The following NKAIN2 variants were observed in gnomAD, a reference collection of about 807,000 sequenced individuals.
The protein encoded by NKAIN2 is sodium/potassium-transporting ATPase subunit beta-1-interacting protein 2.
A neutral mutation model predicts 32.6 loss-of-function variants in NKAIN2; 14 were observed. The observed-to-expected ratio is 0.43, with a 90% confidence interval of 0.28 to 0.67. The LOEUF is 0.67. NKAIN2 is among the 30% of genes least tolerant of loss of function. The probability of loss-of-function intolerance (pLI) is 0.17; values close to 1 mark genes in which losing one functional copy is unlikely to be tolerated. For missense variants in NKAIN2, 198 were observed against 258.3 expected (o/e 0.77, Z 1.60); for synonymous variants, 80 against 87.2 (o/e 0.92, Z 0.46).
At chr6:124,378,304 C>T (rs1800080912) in intron 3 of NKAIN2, among the ~76,000 whole-genome samples, 1 of 152,144 alleles carries the variant, frequency 6.6e-6, no homozygotes, top group Admixed American at 6.5e-5. Flanking sequence ...TGTGTCATTT[C>T]TCAAGGCTCA....
intron 1 of NKAIN2, among the ~76,000 whole-genome samples, chr6:124,271,491 C>T (rs1020971174): frequency 6.6e-6 from 1 of 152,210 alleles, no homozygotes. Context: ...GCTGGGATTA[C>T]AGGCGTGAGC....
chr6:124,150,066 C>T (rs988217120), intron 1 of NKAIN2, among the ~76,000 whole-genome samples: 2 of 152,114 alleles, frequency 1.3e-5, no homozygotes, highest in South Asian at 4.1e-4. Flanking sequence ...GTACCTATTC[C>T]TTGCGCTCTG....
rs375311962 is a variant in NKAIN2 at position 124,658,338 on chromosome 6, G to T, written c.426G>T (p.Glu142Asp). ...RYITVSGCLL[E>D]YQYIEVAHSS... is the part of the protein sequence containing the mutation. ...TCACGGTCTCAGGGTGTTTGCTGGA[G>T]TACCAGTACATAGAAGTGGCTCATA... is the stretch of plus-strand genomic sequence containing the variant. The change falls in exon 4 of 7, where the codon GAG becomes GAT. Residue 142 changes from glutamate (E) to aspartate (D), a missense_variant. Coordinates refer to ENST00000368417, the MANE Select transcript of NKAIN2 (RefSeq NM_001040214.3). 1.2e-6 allele frequency: 2 copies of T among 1,614,014 alleles called. No homozygotes were observed. The highest frequency in any genetic ancestry group is 1.3e-5 in the African/African-American group (1 of 74,922).
chr6:124,265,791 G>A (rs753024077), intron 1 of NKAIN2, among the ~76,000 whole-genome samples: 2 of 152,176 alleles, frequency 1.3e-5, no homozygotes, highest in African/African-American at 4.8e-5. Context: ...AATGGAAAGC[G>A]GCAAAACAGT....
chr6:124,018,066 TG>T (rs1432616256), intron 1 of NKAIN2, among the ~76,000 whole-genome samples: 2 of 152,208 alleles, frequency 1.3e-5, no homozygotes, highest in Non-Finnish European at 2.9e-5. Context: ...GAAATCTAGG[TG>T]GAGGTTCCCA....
chr6:124,381,988 T>C (rs1028956072), intron 3 of NKAIN2, among the ~76,000 whole-genome samples: 5 of 152,196 alleles, frequency 3.3e-5, no homozygotes, highest in Admixed American at 3.3e-4. Flanking sequence ...TCACTTTATT[T>C]ACTATAGTAA....
intron 3 of NKAIN2, among the ~76,000 whole-genome samples, chr6:124,479,334 T>C (rs1300007018): frequency 6.6e-6 from 1 of 152,196 alleles, no homozygotes; most frequent in African/African-American, 2.4e-5. Context: ...ATGTTAATAA[T>C]AGAAGAACTG....
chr6:124,652,514 C>T (rs1784402027), intron 3 of NKAIN2, among the ~76,000 whole-genome samples: 1 of 152,146 alleles, frequency 6.6e-6, no homozygotes, highest in Non-Finnish European at 1.5e-5. Flanking sequence ...TAGTACCACT[C>T]AATTCCTCTG....
chr6:123,837,405 G>A (rs570040415), intron 1 of NKAIN2, among the ~76,000 whole-genome samples: 3 of 151,920 alleles, frequency 2.0e-5, no homozygotes, highest in South Asian at 4.2e-4. Flanking sequence ...AGCAAAAATG[G>A]TACTCATCCT....
intron 1 of NKAIN2, among the ~76,000 whole-genome samples, chr6:124,254,300 T>A (rs1793824258): frequency 6.6e-6 from 1 of 152,182 alleles, no homozygotes; most frequent in Admixed American, 6.5e-5. Flanking sequence ...GAGCAAATTA[T>A]CATTCCTGTT....
At chr6:123,983,994 A>G (rs891445287) in intron 1 of NKAIN2, among the ~76,000 whole-genome samples, 4 of 151,752 alleles carry the variant, frequency 2.6e-5, no homozygotes, top group African/African-American at 9.7e-5. Context: ...TGCAACATCC[A>G]CCTCCCAGGT....
At chr6:124,159,240 G>T (rs931242119) in intron 1 of NKAIN2, among the ~76,000 whole-genome samples, 1 of 151,980 alleles carries the variant, frequency 6.6e-6, no homozygotes, top group Non-Finnish European at 1.5e-5. Flanking sequence ...TTTTAGTTTT[G>T]TCCTAATGCC....
chr6:124,539,959 A>G (rs958364573), intron 3 of NKAIN2, among the ~76,000 whole-genome samples: 2 of 152,202 alleles, frequency 1.3e-5, no homozygotes, highest in African/African-American at 4.8e-5. Flanking sequence ...GAGCTCAGGC[A>G]ATCTGCCCAC....
intron 1 of NKAIN2, among the ~76,000 whole-genome samples, chr6:123,947,498 A>T (rs570837263): frequency 6.6e-6 from 1 of 152,178 alleles, no homozygotes; most frequent in Non-Finnish European, 1.5e-5. Context: ...CCTGTGTTGC[A>T]GAAAGCTTTG....
intron 2 of NKAIN2, among the ~76,000 whole-genome samples, chr6:124,337,152 A>G (rs994471211): frequency 3.9e-5 from 6 of 152,196 alleles, no homozygotes; most frequent in Admixed American, 2.6e-4. Context: ...TGTACCATCA[A>G]TAAATTTATT....
intron 3 of NKAIN2, among the ~76,000 whole-genome samples, chr6:124,433,550 T>C (rs1034565107): frequency 1.3e-5 from 2 of 152,162 alleles, no homozygotes; most frequent in African/African-American, 4.8e-5. Flanking sequence ...GCAAGGGCTG[T>C]CAGTCTGGGT....
At chr6:124,103,507 A>C (rs1426696949) in intron 1 of NKAIN2, among the ~76,000 whole-genome samples, 1 of 152,184 alleles carries the variant, frequency 6.6e-6, no homozygotes, top group Non-Finnish European at 1.5e-5. Context: ...AATGAGAACT[A>C]TCTGGTGAGT....
intron 4 of NKAIN2, among the ~76,000 whole-genome samples, chr6:124,688,419 T>C (rs1041428124): frequency 2.6e-5 from 4 of 152,016 alleles, no homozygotes; most frequent in African/African-American, 9.7e-5. Context: ...GCCTCCCCCA[T>C]TATCAGCATC....
At chr6:124,002,191 C>T (rs200123359) in intron 1 of NKAIN2, among the ~76,000 whole-genome samples, 2 of 152,060 alleles carry the variant, frequency 1.3e-5, no homozygotes, top group East Asian at 1.9e-4. Flanking sequence ...ACTCATCCTT[C>T]GGGCACTCTC....
Sources: gnomAD v4.1 joint callset for allele counts (sites outside exome capture counted in the v4.1 genomes callset) on GRCh38, gnomAD v4.1.1 for gene constraint, MANE v1.5 for transcripts, NCBI Gene and HGNC (gene_info 2026-07-23, HGNC 2026-07-21) for gene names.